Variants in TUBA3D observed in about 807,000 individuals in gnomAD.
The protein encoded by TUBA3D is tubulin alpha-3D chain.
In TUBA3D, 24 loss-of-function variants were observed where a neutral mutation model predicts 36.1. That is an observed-to-expected ratio of 0.66 (90% CI 0.48 to 0.93). The LOEUF (loss-of-function observed/expected upper bound fraction) is 0.93. Ranked by LOEUF, TUBA3D falls within the 40% of genes least tolerant of loss-of-function variation. The probability of loss-of-function intolerance (pLI) is 0.00; values close to 1 mark genes in which losing one functional copy is unlikely to be tolerated. For missense variants in TUBA3D, 356 were observed against 614.5 expected (o/e 0.58, Z 4.45); for synonymous variants, 185 against 247.2 (o/e 0.75, Z 2.36).
chr2:131,477,667 G>A (rs1325382670), intron 1 of TUBA3D, among the ~76,000 whole-genome samples: 1 of 151,194 alleles, frequency 6.6e-6, no homozygotes, highest in Non-Finnish European at 1.5e-5. Flanking sequence ...GTCAGCCTTC[G>A]AGAGCACAGA....
chr2:131,479,362 C>T lies in TUBA3D; in HGVS notation c.281C>T (p.Thr94Ile). 1.9e-6 allele frequency: 3 copies of T among 1,614,150 alleles called. No homozygotes were observed. Among genetic ancestry groups the T allele is most frequent in the Non-Finnish European group, 2.5e-6 (3 of 1,180,038 alleles). The change falls in exon 3 of 5, where the codon ACC (threonine) becomes ATC (isoleucine). Residue 94 changes from threonine to isoleucine, a missense_variant. By Grantham distance (89) the Thr-to-Ile change is moderately conservative. Coordinates refer to ENST00000321253, the MANE Select transcript of TUBA3D (RefSeq NM_080386.4). ...CTCTTCCACCCGGAGCAGCTGATCA[C>T]CGGGAAGGAAGATGCAGCCAATAAT... Reference protein sequence around the residue: ...RQLFHPEQLITGKEDAANNYA... With the variant: ...RQLFHPEQLIIGKEDAANNYA...
Position 131,478,333 on chromosome 2 carries a change from C to A in TUBA3D, c.173C>A (p.Ala58Asp). ...SFNTFFSETG[A>D]GKHVPRAVFV... ...AACACGTTCTTCAGTGAGACTGGAG[C>A]TGGCAAGCACGTGCCCAGAGCAGTG... The change falls in exon 2 of 5, where the codon GCT becomes GAT. Residue 58 changes from alanine to aspartate, a missense_variant. Ala to Asp is a moderately radical substitution (Grantham distance 126, BLOSUM62 -2). Around this residue, in one of 3 missense-constraint regions of TUBA3D, gnomAD observed 109 missense variants for 153.7 expected, o/e 0.71. Transcript: ENST00000321253. The A allele has an allele frequency of 6.2e-7, 1 of 1,613,968 alleles. No individual in the cohort carries two copies.
chr2:131,476,665 G>T (rs1244845749), intron 1 of TUBA3D, among the ~76,000 whole-genome samples: 3 of 152,138 alleles, frequency 2.0e-5, no homozygotes, highest in Admixed American at 1.3e-4. Context: ...CAGGCGCGGC[G>T]GCTCACGCCT....
intron 1 of TUBA3D, among the ~76,000 whole-genome samples, chr2:131,476,647 C>T (rs1231676779): frequency 2.0e-5 from 3 of 152,106 alleles, no homozygotes; most frequent in Non-Finnish European, 2.9e-5. Context: ...TAAAGGCAAC[C>T]GTTAGGCCAG....
chr2:131,481,445 T>C (rs1188557193), intron 4 of TUBA3D, among the ~76,000 whole-genome samples: 1 of 150,458 alleles, frequency 6.6e-6, no homozygotes, highest in African/African-American at 2.5e-5. Flanking sequence ...ATTTTTTTTT[T>C]TTTTTTTTGA....
chr2:131,480,355 G>A lies in TUBA3D; in HGVS notation c.662G>A (p.Arg221His), dbSNP rs368000732. The A allele has an allele frequency of 1.1e-5, 18 of 1,610,082 alleles. No individual in the cohort carries two copies. The highest frequency in any genetic ancestry group is 1.4e-5 in the Non-Finnish European group (17 of 1,179,872). Reference protein sequence around the residue: ...DICRRNLDIERPTYTNLNRLI... With the variant: ...DICRRNLDIEHPTYTNLNRLI... ...TGTCGGCGCAACCTGGACATTGAAC[G>A]TCCCACGTACACCAACCTCAATCGC... Residue 221 changes from arginine to histidine, a missense_variant, in exon 4 of 5, where the codon CGT becomes CAT. Physicochemically the swap from Arg to His is conservative, Grantham distance 29 (BLOSUM62 0). Coordinates refer to ENST00000321253, the MANE Select transcript of TUBA3D (RefSeq NM_080386.4).
chr2:131,482,465 A>C lies in TUBA3D; in HGVS notation c.1057-87A>C, dbSNP rs549712591. On this transcript the variant is annotated intron_variant, in intron 4 of 4. Transcript: ENST00000321253. Reference sequence around the variant, plus strand: ...ACTGAGCATTCTCCGTGTCACCTACAGGGTGTCTTCTGTTTGAGGAAAAGT... The same window carrying C: ...ACTGAGCATTCTCCGTGTCACCTACCGGGTGTCTTCTGTTTGAGGAAAAGT... The C allele has an allele frequency of 2.2e-4, 339 of 1,527,772 alleles. 1 individual carries two copies. In the Middle Eastern group the frequency reaches 3.3e-3, roughly 15 times the overall value. The allele number at this position is 1,527,772 out of a possible 1,614,324, so 94.6% of individuals were successfully genotyped here.
rs1559350012 is a variant in TUBA3D at position 131,480,609 on chromosome 2, G to A, written c.916G>A (p.Asp306Asn). The A allele has an allele frequency of 1.2e-6, 2 of 1,613,362 alleles. No individual in the cohort carries two copies. The highest frequency in any genetic ancestry group is 8.5e-7 in the Non-Finnish European group (1 of 1,180,024). ...GCCAGCCAATCAAATGGTCAAGTGT[G>A]ACCCTCGCCACGGCAAGTACATGGC... ...FEPANQMVKC[D>N]PRHGKYMACC... The change falls in exon 4 of 5, where the codon GAC becomes AAC. Residue 306 changes from aspartate to asparagine, a missense_variant. Transcript: ENST00000321253.
At chr2:131,482,037 C>T (rs1331011060) in intron 4 of TUBA3D, among the ~76,000 whole-genome samples, 2 of 152,242 alleles carry the variant, frequency 1.3e-5, no homozygotes, top group African/African-American at 4.8e-5. Context: ...TGGACCACTT[C>T]GACCACTTCC....
rs750836208 is a variant in TUBA3D, at chr2:131,480,634, C to T, written c.941C>T (p.Ala314Val). Residue 314 changes from alanine to valine, a missense_variant, in exon 4 of 5, where the codon GCC (alanine) becomes GTC (valine). Ala to Val is a moderately conservative substitution (Grantham distance 64). Coordinates refer to ENST00000321253, the MANE Select transcript of TUBA3D (RefSeq NM_080386.4). Reference sequence around the variant, plus strand: ...GACCCTCGCCACGGCAAGTACATGGCCTGCTGCATGTTGTACAGGGGGGAC... The same window carrying T: ...GACCCTCGCCACGGCAAGTACATGGTCTGCTGCATGTTGTACAGGGGGGAC... ...KCDPRHGKYM[A>V]CCMLYRGDVV... 15 of 1,613,746 alleles carry T rather than the reference C, an allele frequency of 9.3e-6. No individual in the cohort carries two copies. Among genetic ancestry groups the T allele is most frequent in the Non-Finnish European group, 1.3e-5 (15 of 1,180,032 alleles).
Position 131,480,639 on chromosome 2 carries a change from T to C in TUBA3D, c.946T>C (p.Cys316Arg). 6.2e-7 allele frequency: 1 copy of C among 1,613,798 alleles called. No individual in the cohort carries two copies. Among genetic ancestry groups the C allele is most frequent in the Non-Finnish European group, 8.5e-7 (1 of 1,180,030 alleles). Reference sequence around the variant, plus strand: ...TCGCCACGGCAAGTACATGGCCTGCTGCATGTTGTACAGGGGGGACGTGGT... The same window carrying C: ...TCGCCACGGCAAGTACATGGCCTGCCGCATGTTGTACAGGGGGGACGTGGT... ...DPRHGKYMAC[C>R]MLYRGDVVPK... The change falls in exon 4 of 5, where the codon TGC (cysteine) becomes CGC (arginine). Residue 316 changes from cysteine (C) to arginine (R), a missense_variant. Physicochemically the swap from Cys to Arg is radical, Grantham distance 180. Coordinates refer to ENST00000321253, the MANE Select transcript of TUBA3D (RefSeq NM_080386.4).
At chr2:131,477,267 C>T (rs956766014) in intron 1 of TUBA3D, among the ~76,000 whole-genome samples, 7 of 151,712 alleles carry the variant, frequency 4.6e-5, no homozygotes, top group African/African-American at 1.7e-4. Context: ...CAAACTGGTC[C>T]CAAGTGATCC....
intron 2 of TUBA3D, chr2:131,478,646 G>C: frequency 4.4e-6 from 3 of 689,572 alleles, no homozygotes; most frequent in South Asian, 4.2e-5. Context: ...TCCCTCGTGC[G>C]TGCCTCAGCC....
At chr2:131,482,261 A>G (rs1678888757) in intron 4 of TUBA3D, among the ~76,000 whole-genome samples, 1 of 152,190 alleles carries the variant, frequency 6.6e-6, no homozygotes, top group Admixed American at 6.5e-5. Flanking sequence ...ATACATTTTC[A>G]GAGGGAAGAC....
intron 4 of TUBA3D, 102 bp downstream of exon 4, chr2:131,480,851 T>C: frequency 1.3e-6 from 2 of 1,496,196 alleles, no homozygotes; most frequent in East Asian, 2.3e-5. Flanking sequence ...CCCTGTTCCA[T>C]GGGCTAGGCA....
intron 1 of TUBA3D, among the ~76,000 whole-genome samples, chr2:131,477,571 C>T (rs1678715845): frequency 6.6e-6 from 1 of 150,578 alleles, no homozygotes; most frequent in Non-Finnish European, 1.5e-5. Flanking sequence ...CTTTCTCCAG[C>T]CCCCCAGTAT....
intron 2 of TUBA3D, 132 bp downstream of exon 2, chr2:131,478,518 G>A (rs1678748068): frequency 7.2e-7 from 1 of 1,391,112 alleles, no homozygotes; most frequent in South Asian, 1.5e-5. Flanking sequence ...GGCATTGTTA[G>A]GAGAGAAACT....
chr2:131,482,533 T>C lies in TUBA3D; in HGVS notation c.1057-19T>C. ...TTGATATAAGCTTCATGGACTGCTT[T>C]CTTTCCCTTCTCTGGCAGGTGGGCA... On this transcript the variant is annotated intron_variant, in intron 4 of 4. Transcript: ENST00000321253. 1.9e-6 allele frequency: 3 copies of C among 1,591,580 alleles called. No individual in the cohort carries two copies. Among genetic ancestry groups the C allele is most frequent in the African/African-American group, 1.3e-5 (1 of 74,366 alleles).
chr2:131,477,697 C>T (rs973748919), intron 1 of TUBA3D, among the ~76,000 whole-genome samples: 4 of 151,044 alleles, frequency 2.6e-5, no homozygotes, highest in African/African-American at 4.9e-5. Flanking sequence ...GAATGATGGA[C>T]GGGGTAGAAC....
Sources: gnomAD v4.1 joint callset for allele counts (sites outside exome capture counted in the v4.1 genomes callset) on GRCh38, gnomAD v4.1.1 for gene constraint, gnomAD v4.1.1 regional missense constraint, MANE v1.5 for transcripts, NCBI Gene and HGNC (gene_info 2026-07-23, HGNC 2026-07-21) for gene names.